INPP4B: variants seen among roughly 807,000 people sequenced by gnomAD.
The protein encoded by INPP4B is inositol polyphosphate 4-phosphatase type II.
A neutral mutation model predicts 122.5 loss-of-function variants in INPP4B; 55 were observed. That is an observed-to-expected ratio of 0.45 (90% CI 0.36 to 0.56). The LOEUF (loss-of-function observed/expected upper bound fraction) is 0.56, where lower values mean the gene tolerates loss of function less well. Among genes scored for constraint, INPP4B ranks in the 20% least tolerant of loss-of-function variants. The pLI is 0.00. For synonymous variants in INPP4B, 403 were observed against 388.7 expected, an observed-to-expected ratio of 1.04 and a Z score of -0.43; for missense variants, 1,000 against 1,097.7, an observed-to-expected ratio of 0.91 and a Z score of 1.26.
chr4:142,524,572 G>C (rs1208006665), intron 2 of INPP4B, among the ~76,000 whole-genome samples: 1 of 152,010 alleles, frequency 6.6e-6, no homozygotes, highest in Non-Finnish European at 1.5e-5. Context: ...GGGATGCAAG[G>C]CTGGTCCAAT....
At chr4:142,454,037 G>A (rs533684686) in intron 3 of INPP4B, among the ~76,000 whole-genome samples, 2 of 152,128 alleles carry the variant, frequency 1.3e-5, no homozygotes, top group African/African-American at 2.4e-5. Flanking sequence ...GGTAGTAGAA[G>A]GATAGGAGCT....
intron 1 of INPP4B, among the ~76,000 whole-genome samples, chr4:142,831,911 T>G (rs1782187619): frequency 6.6e-6 from 1 of 152,224 alleles, no homozygotes; most frequent in Non-Finnish European, 1.5e-5. Flanking sequence ...ATTCCCATGG[T>G]ATCTGCACTG....
chr4:142,554,134 A>G (rs1000906649), intron 2 of INPP4B, among the ~76,000 whole-genome samples: 1 of 149,498 alleles, frequency 6.7e-6, no homozygotes, highest in East Asian at 2.0e-4. Context: ...GGTTGCAGTG[A>G]GCCGATATTG....
chr4:142,732,233 G>C (rs961555539), intron 1 of INPP4B, among the ~76,000 whole-genome samples: 1 of 152,004 alleles, frequency 6.6e-6, no homozygotes, highest in African/African-American at 2.4e-5. Flanking sequence ...AAGAGGCAAT[G>C]GTTCCAGTTT....
intron 2 of INPP4B, among the ~76,000 whole-genome samples, chr4:142,696,932 AGCCCC>A: frequency 6.6e-6 from 1 of 152,228 alleles, no homozygotes. Flanking sequence ...CACAGTGTGC[AGCCCC>A]GCACACTCCA....
At chr4:142,380,648 T>TA (rs1458252755) in intron 7 of INPP4B, among the ~76,000 whole-genome samples, 1 of 152,100 alleles carries the variant, frequency 6.6e-6, no homozygotes, top group Non-Finnish European at 1.5e-5. Context: ...AGTGTTTTAT[T>TA]ATGCTATTAT....
At chr4:142,610,216 T>G (rs2150334139) in intron 2 of INPP4B, among the ~76,000 whole-genome samples, 1 of 152,280 alleles carries the variant, frequency 6.6e-6, no homozygotes, top group South Asian at 2.1e-4. Flanking sequence ...TAATGGGAGT[T>G]CTGCACAAGC....
At chr4:142,519,187 T>C (rs1172989392) in intron 2 of INPP4B, among the ~76,000 whole-genome samples, 1 of 152,134 alleles carries the variant, frequency 6.6e-6, no homozygotes, top group Non-Finnish European at 1.5e-5. Flanking sequence ...GTGTACACTT[T>C]GATAATCACA....
intron 11 of INPP4B, among the ~76,000 whole-genome samples, chr4:142,251,716 A>T (rs1289157404): frequency 6.6e-6 from 1 of 152,176 alleles, no homozygotes; most frequent in Admixed American, 6.5e-5. Flanking sequence ...GCTCAATTAA[A>T]TTGTATTTTG....
chr4:142,740,963 C>T (rs573003153), intron 1 of INPP4B, among the ~76,000 whole-genome samples: 26 of 152,022 alleles, frequency 1.7e-4, no homozygotes, highest in East Asian at 3.9e-4. Flanking sequence ...ATAATAAGTT[C>T]GCAATCCAAA....
chr4:142,696,952 A>G (rs1287118925), intron 2 of INPP4B, among the ~76,000 whole-genome samples: 6 of 152,194 alleles, frequency 3.9e-5, no homozygotes, highest in Non-Finnish European at 8.8e-5. Flanking sequence ...ACTCCACTGT[A>G]TGTGTTTATT....
chr4:142,376,559 C>T (rs1232779807), intron 7 of INPP4B, among the ~76,000 whole-genome samples: 1 of 152,050 alleles, frequency 6.6e-6, no homozygotes, highest in East Asian at 1.9e-4. Context: ...TTACTCTAGA[C>T]ACCTGTGGAC....
chr4:142,197,220 T>C (rs2627821), intron 14 of INPP4B, among the ~76,000 whole-genome samples: 132,828 of 151,632 alleles, frequency 0.88, 58,979 homozygotes, highest in East Asian at 0.96. Flanking sequence ...AGGTACTCCT[T>C]ATTTATAGCA....
At chr4:142,531,859 A>G (rs751575769) in intron 2 of INPP4B, among the ~76,000 whole-genome samples, 1 of 152,198 alleles carries the variant, frequency 6.6e-6, no homozygotes, top group Non-Finnish European at 1.5e-5. Flanking sequence ...TTCTCAAAAT[A>G]CTAATTTTAA....
intron 25 of INPP4B, among the ~76,000 whole-genome samples, chr4:142,058,039 G>A (rs1309390533): frequency 4.0e-5 from 6 of 151,874 alleles, no homozygotes; most frequent in African/African-American, 2.4e-5. Context: ...GTTAGCTTAG[G>A]GCAAAGAACA....
intron 1 of INPP4B, among the ~76,000 whole-genome samples, chr4:142,804,502 A>C (rs141176720): frequency 0.013 from 2,037 of 152,268 alleles, 24 homozygotes; most frequent in Middle Eastern, 0.044. Flanking sequence ...CCTTACAGTA[A>C]GGCTTATGCT....
At chr4:142,763,767 A>G (rs941006341) in intron 1 of INPP4B, among the ~76,000 whole-genome samples, 9 of 152,172 alleles carry the variant, frequency 5.9e-5, no homozygotes, top group African/African-American at 2.2e-4. Flanking sequence ...TTTTTATGCC[A>G]TACATCTCTG....
intron 9 of INPP4B, among the ~76,000 whole-genome samples, chr4:142,276,131 C>T (rs1387697371): frequency 6.6e-6 from 1 of 151,772 alleles, no homozygotes; most frequent in Non-Finnish European, 1.5e-5. Flanking sequence ...TTTCATGTGT[C>T]CCCTCCCAAT....
chr4:142,027,200 A>C lies in INPP4B; in HGVS notation c.*1582T>G, dbSNP rs1737271510. On this transcript the variant is annotated 3_prime_UTR_variant, in exon 26 of 26. Coordinates refer to ENST00000262992, the MANE Select transcript of INPP4B (RefSeq NM_001101669.3). Reference sequence around the variant, plus strand: ...ATAATGCCCACAGGTAATTAGCTAAAATAAAAAATTGATAATTCTAGTATA... The same window carrying C: ...ATAATGCCCACAGGTAATTAGCTAACATAAAAAATTGATAATTCTAGTATA... The C allele has an allele frequency of 6.6e-6, 1 of 152,182 alleles. No homozygotes were observed. The highest frequency in any genetic ancestry group is 2.1e-4 in the South Asian group (1 of 4,830). 9.4% of individuals were successfully genotyped at this position (152,182 alleles called of 1,614,324 possible).
Sources: allele counts gnomAD v4.1 joint callset (sites outside exome capture counted in the v4.1 genomes callset), GRCh38; gene constraint gnomAD v4.1.1; transcripts MANE v1.5; gene names NCBI Gene and HGNC (gene_info 2026-07-23, HGNC 2026-07-21).